The following TNIK variants were observed in gnomAD, a reference collection of about 807,000 sequenced individuals.
TNIK encodes the protein TRAF2 and NCK interacting kinase.
TNIK carries 49 observed loss-of-function variants against 191.3 expected under a neutral mutation model. The observed-to-expected ratio is 0.26, with a 90% CI of 0.20 to 0.32. The LOEUF is 0.32. Ranked by LOEUF, TNIK falls within the 10% of genes least tolerant of loss-of-function variation. The probability of loss-of-function intolerance (pLI) is 1.00; values close to 1 mark genes in which losing one functional copy is unlikely to be tolerated. For missense variants in TNIK, 1,155 were observed against 1,702.3 expected (o/e 0.68, Z 5.66); for synonymous variants, 594 against 600.9 (o/e 0.99, Z 0.17).
intron 5 of TNIK, among the ~76,000 whole-genome samples, chr3:171,192,584 T>C (rs1738190290): frequency 6.6e-6 from 1 of 152,242 alleles, no homozygotes; most frequent in Non-Finnish European, 1.5e-5. Flanking sequence ...CTGCTGCTTT[T>C]AGAACCATGA....
chr3:171,121,380 T>C (rs1412853135), intron 18 of TNIK, among the ~76,000 whole-genome samples: 1 of 152,220 alleles, frequency 6.6e-6, no homozygotes, highest in African/African-American at 2.4e-5. Context: ...CTTCCCATAC[T>C]GACTCAGGGC....
At chr3:171,128,567 G>A in intron 16 of TNIK, 147 bp downstream of exon 16, 1 of 1,019,508 alleles carries the variant, frequency 9.8e-7, no homozygotes, top group Non-Finnish European at 1.3e-6. Context: ...AAAAATCAGT[G>A]GGGCCACCTA....
At chr3:171,413,281 A>G (rs1385687416) in intron 1 of TNIK, among the ~76,000 whole-genome samples, 3 of 152,206 alleles carry the variant, frequency 2.0e-5, no homozygotes, top group Non-Finnish European at 4.4e-5. Flanking sequence ...TTTCAGAGCC[A>G]TCTGAGGATT....
chr3:171,431,502 C>T (rs1364756239), intron 1 of TNIK, among the ~76,000 whole-genome samples: 1 of 152,026 alleles, frequency 6.6e-6, no homozygotes, highest in Non-Finnish European at 1.5e-5. Context: ...TCTTTTTACT[C>T]TCTATTTACT....
intron 1 of TNIK, among the ~76,000 whole-genome samples, chr3:171,401,885 G>A (rs1348310881): frequency 6.6e-6 from 1 of 152,188 alleles, no homozygotes; most frequent in Non-Finnish European, 1.5e-5. Context: ...AATGTTAGCT[G>A]TTATTGTCAT....
chr3:171,171,600 A>G (rs1234142528), intron 9 of TNIK, among the ~76,000 whole-genome samples: 1 of 152,174 alleles, frequency 6.6e-6, no homozygotes, highest in African/African-American at 2.4e-5. Flanking sequence ...GGCTCTTCAA[A>G]TTTAAAGGGC....
At chr3:171,127,441 A>T (rs773718132) in intron 16 of TNIK, among the ~76,000 whole-genome samples, 7 of 151,360 alleles carry the variant, frequency 4.6e-5, no homozygotes, top group African/African-American at 1.5e-4. Context: ...ATAAAAAAAT[A>T]AAAAAAACCA....
intron 2 of TNIK, among the ~76,000 whole-genome samples, chr3:171,279,279 A>C (rs1411002904): frequency 6.6e-6 from 1 of 152,178 alleles, no homozygotes; most frequent in East Asian, 1.9e-4. Flanking sequence ...AAGTGTTTAT[A>C]GTTTGCTTTT....
chr3:171,184,950 A>G (rs1265947837), intron 7 of TNIK, among the ~76,000 whole-genome samples: 1 of 152,170 alleles, frequency 6.6e-6, no homozygotes, highest in Non-Finnish European at 1.5e-5. Context: ...CAACATTGGC[A>G]CAGATCAGGC....
intron 1 of TNIK, among the ~76,000 whole-genome samples, chr3:171,449,051 C>T (rs1727859672): frequency 6.6e-6 from 1 of 152,058 alleles, no homozygotes; most frequent in Non-Finnish European, 1.5e-5. Flanking sequence ...TGGTTTCCAG[C>T]TTCACCCATG....
At chr3:171,103,696 T>A (rs1265846836) in intron 21 of TNIK, among the ~76,000 whole-genome samples, 1 of 152,158 alleles carries the variant, frequency 6.6e-6, no homozygotes, top group Non-Finnish European at 1.5e-5. Flanking sequence ...TTACATTTTA[T>A]ATAATTTAAA....
At chr3:171,109,583 G>A (rs969583144) in intron 19 of TNIK, among the ~76,000 whole-genome samples, 1 of 152,188 alleles carries the variant, frequency 6.6e-6, no homozygotes, top group Non-Finnish European at 1.5e-5. Flanking sequence ...ATGTAATAAA[G>A]AGTCTAAGAA....
chr3:171,436,919 C>G (rs1045117926), intron 1 of TNIK, among the ~76,000 whole-genome samples: 2 of 152,122 alleles, frequency 1.3e-5, no homozygotes, highest in Non-Finnish European at 2.9e-5. Flanking sequence ...TGCATTTGCC[C>G]CCTTGGATCA....
At chr3:171,275,502 T>C (rs1749622377) in intron 2 of TNIK, among the ~76,000 whole-genome samples, 1 of 152,122 alleles carries the variant, frequency 6.6e-6, no homozygotes, top group Admixed American at 6.5e-5. Flanking sequence ...AGAAAAAATC[T>C]TACTAATAGA....
intron 3 of TNIK, among the ~76,000 whole-genome samples, chr3:171,227,728 T>C (rs1434949462): frequency 6.6e-6 from 1 of 152,138 alleles, no homozygotes; most frequent in Non-Finnish European, 1.5e-5. Flanking sequence ...GAAAACAATT[T>C]TTTTCTATCA....
chr3:171,219,991 C>T (rs372053623), intron 3 of TNIK, among the ~76,000 whole-genome samples: 18 of 152,084 alleles, frequency 1.2e-4, no homozygotes, highest in East Asian at 9.6e-4. Context: ...TGGAGCCAAC[C>T]CAAATGCCCA....
intron 2 of TNIK, among the ~76,000 whole-genome samples, chr3:171,236,938 G>A (rs1744342214): frequency 6.6e-6 from 1 of 152,076 alleles, no homozygotes; most frequent in South Asian, 2.1e-4. Context: ...CTGGGGGTTG[G>A]GGGAAATAGA....
At chr3:171,146,798 G>A (rs1386164122) in intron 12 of TNIK, among the ~76,000 whole-genome samples, 1 of 151,578 alleles carries the variant, frequency 6.6e-6, no homozygotes, top group Non-Finnish European at 1.5e-5. Context: ...GCTGAGGCAG[G>A]AGAATTGCTT....
chr3:171,441,070 C>T (rs1726742163), intron 1 of TNIK, among the ~76,000 whole-genome samples: 1 of 152,066 alleles, frequency 6.6e-6, no homozygotes, highest in African/African-American at 2.4e-5. Context: ...TCAGAGAACC[C>T]ATCTATCTCT....
Sources: allele counts gnomAD v4.1 joint callset (sites outside exome capture counted in the v4.1 genomes callset), GRCh38; gene constraint gnomAD v4.1.1; transcripts MANE v1.5; gene names NCBI Gene and HGNC (gene_info 2026-07-23, HGNC 2026-07-21).